Variants in DNAH5 observed in about 807,000 individuals in gnomAD.
DNAH5 encodes the protein axonemal beta dynein heavy chain 5.
Under a neutral mutation model 518.2 loss-of-function variants are expected in DNAH5, and 372 were observed. That is an observed-to-expected ratio of 0.72 (90% CI 0.66 to 0.78). The LOEUF is 0.78. Among genes scored for constraint, DNAH5 ranks in the 30% least tolerant of loss-of-function variants. The pLI is 0.00. For synonymous variants in DNAH5, 2,039 were observed against 2,025.9 expected, an observed-to-expected ratio of 1.01 and a Z score of -0.17; for missense variants, 5,523 against 5,687.0, an observed-to-expected ratio of 0.97 and a Z score of 0.93.
Position 13,823,250 on chromosome 5 carries a change from T to C in DNAH5, c.6687+13A>G, listed in dbSNP as rs1455220000. On this transcript the variant is annotated intron_variant, in intron 40 of 78. Transcript: ENST00000265104. Reference sequence around the variant, plus strand: ...ACAGACACCAGCCCTCGTTGCCCTGTGAAGCATATTACCTGTCTACTAATT... The same window carrying C: ...ACAGACACCAGCCCTCGTTGCCCTGCGAAGCATATTACCTGTCTACTAATT... 3 of 1,532,428 alleles carry C rather than the reference T, an allele frequency of 2.0e-6. No homozygotes were observed. Among genetic ancestry groups the C allele is most frequent in the Non-Finnish European group, 2.7e-6 (3 of 1,105,554 alleles). The allele number at this position is 1,532,428 out of a possible 1,614,324, so 94.9% of individuals were successfully genotyped here. A position where few individuals can be genotyped will look rare whatever the true frequency, so the allele number is the denominator to read the frequency against.
intron 38 of DNAH5, among the ~76,000 whole-genome samples, chr5:13,826,457 T>A (rs1762900370): frequency 6.6e-6 from 1 of 152,296 alleles, no homozygotes; most frequent in African/African-American, 2.4e-5. Flanking sequence ...GTGGAGGTAA[T>A]GAATCATGGG....
intron 47 of DNAH5, among the ~76,000 whole-genome samples, chr5:13,796,848 C>G (rs991629931): frequency 6.6e-6 from 1 of 152,148 alleles, no homozygotes; most frequent in African/African-American, 2.4e-5. Context: ...GGTACCAAAA[C>G]AGAGAGATAG....
intron 19 of DNAH5, among the ~76,000 whole-genome samples, chr5:13,883,697 G>A (rs933271287): frequency 2.6e-5 from 4 of 152,152 alleles, no homozygotes; most frequent in South Asian, 2.1e-4. Flanking sequence ...ATAACTTTAC[G>A]TAGTTGCAAA....
intron 74 of DNAH5, among the ~76,000 whole-genome samples, chr5:13,714,821 T>G (rs959268132): frequency 6.6e-6 from 1 of 152,174 alleles, no homozygotes; most frequent in African/African-American, 2.4e-5. Context: ...AAACAGACAG[T>G]AGGCTCATGG....
intron 1 of DNAH5, among the ~76,000 whole-genome samples, chr5:13,974,395 G>A (rs893869167): frequency 1.3e-5 from 2 of 151,936 alleles, no homozygotes; most frequent in African/African-American, 4.8e-5. Flanking sequence ...AAAATGCTGG[G>A]ATTACAGGCA....
At chr5:13,776,791 T>C in intron 54 of DNAH5, 85 bp from the exon 55 acceptor site, 1 of 1,485,438 alleles carries the variant, frequency 6.7e-7, no homozygotes, top group South Asian at 1.1e-5. Context: ...AGAATGTCTT[T>C]TCTCCATTTG....
At chr5:13,776,301 G>C (rs781470902) in intron 55 of DNAH5, 138 bp downstream of exon 55, 27 of 1,175,046 alleles carry the variant, frequency 2.3e-5, no homozygotes, top group Non-Finnish European at 3.3e-5. Flanking sequence ...CTGTCCATGA[G>C]ATTAAACCTC....
chr5:13,781,132 GTGT>G (rs1452790675), intron 52 of DNAH5, among the ~76,000 whole-genome samples, 173 bp from the exon 53 acceptor site: 3 of 152,194 alleles, frequency 2.0e-5, no homozygotes, highest in Non-Finnish European at 2.9e-5. Context: ...AAATAGAACA[GTGT>G]TGGGCTGCAT....
chr5:13,752,345 A>G (rs1315995476), intron 63 of DNAH5, 56 bp from the exon 64 acceptor site: 1 of 1,576,780 alleles, frequency 6.3e-7, no homozygotes, highest in Non-Finnish European at 8.7e-7. Flanking sequence ...AGCAATGCAC[A>G]GGGATAACTG....
At chr5:13,803,381 A>AATGC (rs746594635) in intron 47 of DNAH5, among the ~76,000 whole-genome samples, 1 of 152,260 alleles carries the variant, frequency 6.6e-6, no homozygotes, top group Non-Finnish European at 1.5e-5. Flanking sequence ...ATGAAAATAC[A>AATGC]ATAATGCATA....
chr5:13,752,282 G>A lies in DNAH5; in HGVS notation c.10880C>T (p.Ser3627Phe). ...GTTTCTGAAGTACTTGTGATTTAAA[G>A]ACGTGATCTAGGAACAGGATCACAA... is the stretch of plus-strand genomic sequence containing the variant. ...KESRNELQITSLNHKYFRNHL... is the reference protein window; with the variant it reads ...KESRNELQITFLNHKYFRNHL... The change falls in exon 64 of 79, where the codon TCT becomes TTT. Residue 3627 changes from serine (S) to phenylalanine (F), a missense_variant. Around this residue, in one of 3 missense-constraint regions of DNAH5, gnomAD observed 5,121 missense variants for 5,223.3 expected, o/e 0.98. Coordinates refer to ENST00000265104, the MANE Select transcript of DNAH5 (RefSeq NM_001369.3). The A allele has an allele frequency of 1.2e-6, 2 of 1,613,998 alleles. No individual in the cohort carries two copies. Among genetic ancestry groups the A allele is most frequent in the Non-Finnish European group, 1.7e-6 (2 of 1,179,928 alleles).
At chr5:13,885,371 A>T in intron 18 of DNAH5, 143 bp from the exon 19 acceptor site, 2 of 1,057,108 alleles carry the variant, frequency 1.9e-6, no homozygotes, top group Non-Finnish European at 1.4e-6. Context: ...CTTAAACATC[A>T]CACTTCTTAG....
chr5:13,713,396 CAT>C (rs1406046791), intron 75 of DNAH5, among the ~76,000 whole-genome samples: 2 of 117,658 alleles, frequency 1.7e-5, no homozygotes, highest in South Asian at 2.8e-4. Flanking sequence ...TATACACTGA[CAT>C]ATATATATAC....
chr5:13,769,246 T>C, intron 57 of DNAH5, 110 bp from the exon 58 acceptor site: 1 of 1,142,184 alleles, frequency 8.8e-7, no homozygotes, highest in East Asian at 2.4e-5. Flanking sequence ...CCAGTTTTGT[T>C]GTTTTTTTTT....
chr5:13,807,503 G>T, intron 47 of DNAH5, 88 bp downstream of exon 47: 1 of 1,283,942 alleles, frequency 7.8e-7, no homozygotes, highest in Non-Finnish European at 1.1e-6. Context: ...ATTCAGATGA[G>T]ATTCAATTGA....
chr5:13,729,290 T>C, intron 69 of DNAH5, 149 bp downstream of exon 69: 1 of 1,022,390 alleles, frequency 9.8e-7, no homozygotes, highest in Non-Finnish European at 1.5e-6. Context: ...AGAGTGTAAG[T>C]GTGCTTTCAA....
At position 13,841,012 on chromosome 5, in the gene DNAH5, T is replaced by C. The variant is rs945907926; in HGVS notation, c.5603A>G (p.Asn1868Ser). The C allele has an allele frequency of 4.3e-6, 7 of 1,614,074 alleles. No homozygotes were observed. Among genetic ancestry groups the C allele is most frequent in the Admixed American group, 1.7e-5 (1 of 60,002 alleles). Reference sequence around the variant, plus strand: ...CCTCGTGGTGACGTCTATCAATGTATTGAGTAGCTCCAGGAAAGCCTGATT... The same window carrying C: ...CCTCGTGGTGACGTCTATCAATGTACTGAGTAGCTCCAGGAAAGCCTGATT... ...KTNQAFLELL[N>S]TLIDVTTRDL... The change falls in exon 34 of 79, where the codon AAT becomes AGT. Residue 1868 changes from asparagine to serine, a missense_variant. By Grantham distance (46) the Asn-to-Ser change is conservative. Around this residue, in one of 3 missense-constraint regions of DNAH5, gnomAD observed 5,121 missense variants for 5,223.3 expected, o/e 0.98. Coordinates refer to ENST00000265104, the MANE Select transcript of DNAH5 (RefSeq NM_001369.3).
rs745557874 is a variant in DNAH5 at position 13,776,465 on chromosome 5, C to T, written c.9347G>A (p.Arg3116Gln). Reference sequence around the variant, plus strand: ...AGCAACTAAAGCATCTTTGGGCCATCGGCTGAACCAGTCAATTGTGCATCC... The same window carrying T: ...AGCAACTAAAGCATCTTTGGGCCATTGGCTGAACCAGTCAATTGTGCATCC... Reference protein sequence around the residue: ...ISGCTIDWFSRWPKDALVAVS... With the variant: ...ISGCTIDWFSQWPKDALVAVS... The change falls in exon 55 of 79, where the codon CGA becomes CAA. Residue 3116 changes from arginine to glutamine, a missense_variant. By Grantham distance (43) the Arg-to-Gln change is conservative. Around this residue, in one of 3 missense-constraint regions of DNAH5, gnomAD observed 5,121 missense variants for 5,223.3 expected, o/e 0.98. Transcript: ENST00000265104. The T allele has an allele frequency of 2.5e-5, 41 of 1,613,636 alleles. No homozygotes were observed. The highest frequency in any genetic ancestry group is 8.3e-5 in the Admixed American group (5 of 59,982).
intron 65 of DNAH5, among the ~76,000 whole-genome samples, chr5:13,739,519 C>T (rs1484596198): frequency 6.6e-6 from 1 of 152,090 alleles, no homozygotes; most frequent in Non-Finnish European, 1.5e-5. Context: ...TACCCAGTCT[C>T]GGGTATTTCT....
Sources: allele counts gnomAD v4.1 joint callset (sites outside exome capture counted in the v4.1 genomes callset), GRCh38; gene constraint gnomAD v4.1.1; regional missense constraint gnomAD v4.1.1; transcripts MANE v1.5; gene names NCBI Gene and HGNC (gene_info 2026-07-23, HGNC 2026-07-21).